The following SLC35F3 variants were observed in gnomAD, a reference collection of about 807,000 sequenced individuals.
The protein encoded by SLC35F3 is putative thiamine transporter SLC35F3.
In SLC35F3, 25 loss-of-function variants were observed where a neutral mutation model predicts 49.9. The ratio of observed to expected loss-of-function variants is 0.50; its 90% CI spans 0.37 to 0.70. The LOEUF (loss-of-function observed/expected upper bound fraction) is 0.70, where lower values mean the gene tolerates loss of function less well. Among genes scored for constraint, SLC35F3 ranks in the 30% least tolerant of loss-of-function variants. SLC35F3 has a pLI of 0.00. For missense variants in SLC35F3, 525 were observed against 639.8 expected, an observed-to-expected ratio of 0.82 and a Z score of 1.94; for synonymous variants, 275 against 265.4, an observed-to-expected ratio of 1.04 and a Z score of -0.35.
chr1:233,973,093 C>T (rs1022946584), intron 2 of SLC35F3, among the ~76,000 whole-genome samples: 1 of 152,198 alleles, frequency 6.6e-6, no homozygotes, highest in African/African-American at 2.4e-5. Flanking sequence ...CCTTGGGTCA[C>T]GATAAAATCA....
intron 2 of SLC35F3, among the ~76,000 whole-genome samples, chr1:234,099,596 G>A (rs1160575215): frequency 3.0e-5 from 4 of 134,206 alleles, no homozygotes; most frequent in African/African-American, 1.1e-4. Flanking sequence ...GCAACAGAGC[G>A]AGACTCTGTC....
At chr1:234,086,625 G>A (rs986405778) in intron 2 of SLC35F3, among the ~76,000 whole-genome samples, 6 of 152,120 alleles carry the variant, frequency 3.9e-5, no homozygotes, top group East Asian at 1.9e-4. Context: ...AATTGCACAC[G>A]GGCTGATTGC....
rs117170315 is a variant in SLC35F3 at position 234,058,003 on chromosome 1, G to A, written c.283+152245G>A. 1.6e-4 allele frequency among the ~76,000 whole-genome samples: 25 copies of A among 152,156 alleles called. No individual in the cohort carries two copies. The East Asian group carries it at 2.9e-3, about 18-fold the overall frequency. On this transcript the variant is annotated intron_variant, in intron 2 of 7. Coordinates refer to ENST00000366618, the MANE Select transcript of SLC35F3 (RefSeq NM_173508.4). ...ATTACAGGTATGAGACACTGCATCCGGCCATGTGTCTTTCTTCTTATTTGA... is the reference window on the plus strand; with the variant it reads ...ATTACAGGTATGAGACACTGCATCCAGCCATGTGTCTTTCTTCTTATTTGA...
intron 2 of SLC35F3, among the ~76,000 whole-genome samples, chr1:234,138,912 A>G (rs9435565): frequency 0.75 from 113,979 of 152,110 alleles, 43,119 homozygotes; most frequent in African/African-American, 0.86. Context: ...AAGCCAAACA[A>G]ATCCTACTCT....
intron 2 of SLC35F3, among the ~76,000 whole-genome samples, chr1:234,066,861 C>G (rs1388566205): frequency 1.3e-5 from 2 of 150,964 alleles, no homozygotes; most frequent in African/African-American, 4.9e-5. Flanking sequence ...CACACACACA[C>G]ACACACACAC....
chr1:234,127,622 G>A (rs1393924980), intron 2 of SLC35F3, among the ~76,000 whole-genome samples: 4 of 152,144 alleles, frequency 2.6e-5, no homozygotes, highest in African/African-American at 9.7e-5. Context: ...GTAAGAGAAT[G>A]TCATAATAGA....
In SLC35F3 at chr1:234,085,274, TC is replaced by T. The variant is rs1245706982; in HGVS notation, c.284-146141del. On this transcript the variant is annotated intron_variant, in intron 2 of 7. Transcript: ENST00000366618. ...TCTTTGGCAGAGGAATGCTTCAGTG[TC>T]CATGAGATATATTTGTGTGGAACAG... is the stretch of plus-strand genomic sequence containing the variant. Among the ~76,000 whole-genome samples, 4 of 152,308 alleles carry T rather than the reference TC, an allele frequency of 2.6e-5. No individual in the cohort carries two copies. The East Asian group carries it at 5.8e-4, about 22-fold the overall frequency.
intron 2 of SLC35F3, among the ~76,000 whole-genome samples, chr1:234,157,806 C>A (rs544783033): frequency 3.9e-5 from 6 of 152,146 alleles, no homozygotes; most frequent in Admixed American, 6.5e-5. Flanking sequence ...GCATTCAGAC[C>A]TGATCATGAC....
intron 2 of SLC35F3, among the ~76,000 whole-genome samples, chr1:234,181,539 G>A (rs12096272): frequency 2.4e-4 from 36 of 152,198 alleles, no homozygotes; most frequent in African/African-American, 8.2e-4. Flanking sequence ...GCAATTAGTT[G>A]ACAGGTCTCT....
intron 2 of SLC35F3, among the ~76,000 whole-genome samples, chr1:234,144,899 G>C (rs1367443562): frequency 6.6e-6 from 1 of 152,180 alleles, no homozygotes; most frequent in Non-Finnish European, 1.5e-5. Flanking sequence ...AGGAATACGT[G>C]GTGTGGGAGC....
intron 2 of SLC35F3, among the ~76,000 whole-genome samples, chr1:234,022,377 C>T (rs549825169): frequency 4.6e-5 from 7 of 152,182 alleles, no homozygotes; most frequent in African/African-American, 1.7e-4. Flanking sequence ...AAAAGTACAG[C>T]GGGCTGGAGG....
chr1:234,304,406 G>T lies in SLC35F3; in HGVS notation c.609-4695G>T, dbSNP rs190638968. Among the ~76,000 whole-genome samples, 725 of 151,950 alleles carry T rather than the reference G, an allele frequency of 4.8e-3. 6 individuals are homozygous for T. Among genetic ancestry groups the T allele is most frequent in the African/African-American group, 0.015 (639 of 41,378 alleles). On this transcript the variant is annotated intron_variant, in intron 3 of 7. Coordinates refer to ENST00000366618, the MANE Select transcript of SLC35F3 (RefSeq NM_173508.4). ...TTGAACTCCTGACCTCAAGTGATCT[G>T]CCCGCCTTGGCATCCCAAAATGTCT...
intron 2 of SLC35F3, among the ~76,000 whole-genome samples, chr1:234,082,391 T>C (rs1273935503): frequency 2.0e-5 from 3 of 152,192 alleles, no homozygotes; most frequent in Non-Finnish European, 2.9e-5. Flanking sequence ...ACTGTAACCA[T>C]GTCACAAAAA....
At chr1:233,986,718 A>G (rs1470033383) in intron 2 of SLC35F3, among the ~76,000 whole-genome samples, 1 of 152,198 alleles carries the variant, frequency 6.6e-6, no homozygotes, top group Non-Finnish European at 1.5e-5. Flanking sequence ...ATACCCTTCA[A>G]CAGATGAAAA....
intron 3 of SLC35F3, among the ~76,000 whole-genome samples, chr1:234,259,490 G>A (rs1667868909): frequency 6.6e-6 from 1 of 152,060 alleles, no homozygotes; most frequent in African/African-American, 2.4e-5. Context: ...TTCCTCTGGG[G>A]CAGGGTTGCT....
At chr1:233,965,423 A>G (rs1286161588) in intron 2 of SLC35F3, among the ~76,000 whole-genome samples, 1 of 152,142 alleles carries the variant, frequency 6.6e-6, no homozygotes, top group Non-Finnish European at 1.5e-5. Context: ...CTTTTAACCA[A>G]TAGAATACAG....
intron 2 of SLC35F3, among the ~76,000 whole-genome samples, chr1:234,024,827 C>G (rs1663953763): frequency 1.3e-5 from 2 of 152,122 alleles, no homozygotes; most frequent in African/African-American, 4.8e-5. Context: ...TTCTTTCCAA[C>G]TGTTATTTTA....
intron 2 of SLC35F3, among the ~76,000 whole-genome samples, chr1:234,208,514 A>G (rs1188035221): frequency 2.6e-5 from 4 of 152,090 alleles, no homozygotes; most frequent in South Asian, 2.1e-4. Flanking sequence ...TCTCATTCTA[A>G]AGGGCCATGG....
intron 1 of SLC35F3, 133 bp from the exon 2 acceptor site, chr1:233,905,396 G>T: frequency 2.7e-6 from 2 of 754,250 alleles, no homozygotes; most frequent in Non-Finnish European, 4.2e-6. Context: ...CGCGGGCTCT[G>T]CCGCGGCGCT....
Sources: allele counts gnomAD v4.1 joint callset (sites outside exome capture counted in the v4.1 genomes callset), GRCh38; gene constraint gnomAD v4.1.1; transcripts MANE v1.5; gene names NCBI Gene and HGNC (gene_info 2026-07-23, HGNC 2026-07-21).